MACROD2: variants seen among roughly 807,000 people sequenced by gnomAD.
MACROD2 encodes the protein ADP-ribose glycohydrolase MACROD2.
MACROD2 carries 36 observed loss-of-function variants against 70.4 expected under a neutral mutation model. The ratio of observed to expected loss-of-function variants is 0.51; its 90% CI spans 0.39 to 0.68. MACROD2 has a LOEUF of 0.68. Ranked by LOEUF, MACROD2 falls within the 30% of genes least tolerant of loss-of-function variation. The probability of loss-of-function intolerance (pLI) is 0.00; values close to 1 mark genes in which losing one functional copy is unlikely to be tolerated. For missense variants in MACROD2, 496 were observed against 538.4 expected (o/e 0.92, Z 0.78); for synonymous variants, 172 against 178.8 (o/e 0.96, Z 0.30).
At chr20:15,349,074 G>A (rs1410145364) in intron 6 of MACROD2, among the ~76,000 whole-genome samples, 1 of 152,014 alleles carries the variant, frequency 6.6e-6, no homozygotes, top group Non-Finnish European at 1.5e-5. Context: ...ATTAGGCTCT[G>A]GAGAATTTTA....
Position 15,850,412 on chromosome 20 carries a change from C to A in MACROD2, c.646-12333C>A, listed in dbSNP as rs534167163. Among the ~76,000 whole-genome samples, 386 of 152,322 alleles carry A rather than the reference C, an allele frequency of 2.5e-3. 5 individuals carry two copies. The highest frequency in any genetic ancestry group is 9.0e-3 in the African/African-American group (374 of 41,572). ...TGCCAGCACTATGAAAGCCCTCAGG[C>A]AAAGAAGTGCAGGTGCTTGGCCATT... On this transcript the variant is annotated intron_variant, in intron 8 of 17. Coordinates refer to ENST00000684519, the MANE Select transcript of MACROD2 (RefSeq NM_001351661.2).
At chr20:14,238,490 T>C (rs1000819136) in intron 3 of MACROD2, among the ~76,000 whole-genome samples, 32 of 152,026 alleles carry the variant, frequency 2.1e-4, no homozygotes, top group African/African-American at 7.0e-4. Context: ...CCCTTGAAAA[T>C]TGGAACAAGA....
chr20:15,289,589 C>A (rs1299642859), intron 6 of MACROD2, among the ~76,000 whole-genome samples: 1 of 152,280 alleles, frequency 6.6e-6, no homozygotes, highest in East Asian at 1.9e-4. Flanking sequence ...GGAGATGGAG[C>A]TAAACAGGTC....
At chr20:14,262,101 A>C (rs1036268748) in intron 3 of MACROD2, among the ~76,000 whole-genome samples, 10 of 152,182 alleles carry the variant, frequency 6.6e-5, no homozygotes, top group Non-Finnish European at 1.2e-4. Flanking sequence ...ACATGGAGAG[A>C]TATAAAACAA....
At chr20:14,387,489 GA>G (rs1035815043) in intron 3 of MACROD2, among the ~76,000 whole-genome samples, 1 of 152,104 alleles carries the variant, frequency 6.6e-6, no homozygotes. Context: ...TAAGAAAATA[GA>G]AAAAAGTGTC....
chr20:15,909,036 G>A (rs1436665903), intron 10 of MACROD2, among the ~76,000 whole-genome samples: 3 of 152,210 alleles, frequency 2.0e-5, no homozygotes, highest in African/African-American at 7.2e-5. Context: ...GACAGGGATA[G>A]TTGTCTCTGC....
At chr20:14,884,482 A>G (rs2073647886) in intron 5 of MACROD2, 1 of 152,144 alleles carries the variant, frequency 6.6e-6, no homozygotes, top group Admixed American at 6.5e-5. Flanking sequence ...CCAAGATACC[A>G]CAGCTAGAAA....
intron 3 of MACROD2, among the ~76,000 whole-genome samples, chr20:14,264,468 G>T (rs768466201): frequency 4.6e-5 from 7 of 152,186 alleles, no homozygotes; most frequent in Non-Finnish European, 7.3e-5. Context: ...GTTGAAGTCA[G>T]CAGTGATTAT....
At chr20:14,187,963 A>G (rs2081358090) in intron 3 of MACROD2, among the ~76,000 whole-genome samples, 1 of 152,326 alleles carries the variant, frequency 6.6e-6, no homozygotes, top group African/African-American at 2.4e-5. Flanking sequence ...GTTCAGATTC[A>G]GACTTTGATA....
At chr20:15,175,850 C>G (rs890985854) in intron 5 of MACROD2, among the ~76,000 whole-genome samples, 1 of 152,188 alleles carries the variant, frequency 6.6e-6, no homozygotes, top group Non-Finnish European at 1.5e-5. Context: ...GCGGGAGCCC[C>G]AGCCCCTACC....
At chr20:15,255,435 A>G (rs1048649796) in intron 6 of MACROD2, among the ~76,000 whole-genome samples, 1 of 152,138 alleles carries the variant, frequency 6.6e-6, no homozygotes, top group Non-Finnish European at 1.5e-5. Context: ...TATTAAACCT[A>G]TGGTACAATT....
At chr20:15,518,880 G>A (rs2047605834) in intron 8 of MACROD2, among the ~76,000 whole-genome samples, 1 of 152,144 alleles carries the variant, frequency 6.6e-6, no homozygotes, top group African/African-American at 2.4e-5. Context: ...CCAGTCTGTG[G>A]CTAATTAGGA....
At chr20:14,412,138 C>T (rs955163382) in intron 3 of MACROD2, among the ~76,000 whole-genome samples, 5 of 152,102 alleles carry the variant, frequency 3.3e-5, no homozygotes, top group Non-Finnish European at 5.9e-5. Context: ...TTTCTCTGCC[C>T]GCACTTTCTG....
At chr20:14,288,970 A>T (rs961110046) in intron 3 of MACROD2, among the ~76,000 whole-genome samples, 1 of 152,204 alleles carries the variant, frequency 6.6e-6, no homozygotes, top group Non-Finnish European at 1.5e-5. Flanking sequence ...GAGATGGCTC[A>T]TGGGACATAT....
intron 5 of MACROD2, among the ~76,000 whole-genome samples, chr20:14,913,490 C>T (rs2074054128): frequency 6.6e-6 from 1 of 152,084 alleles, no homozygotes; most frequent in African/African-American, 2.4e-5. Context: ...AGTTCAAGAC[C>T]AGCCTGGGCA....
chr20:15,304,385 A>C lies in MACROD2; in HGVS notation c.540+74324A>C, dbSNP rs1171546872. 3.3e-5 allele frequency among the ~76,000 whole-genome samples: 5 copies of C among 152,188 alleles called. No individual in the cohort carries two copies. In the East Asian group the frequency reaches 7.7e-4, roughly 23 times the overall value. ...TTTTATAAGTTGGTCAACATTTACC[A>C]ATCAGGATGTTTTATATAAGCATCT... On this transcript the variant is annotated intron_variant, in intron 6 of 17. Coordinates refer to ENST00000684519, the MANE Select transcript of MACROD2 (RefSeq NM_001351661.2).
chr20:15,974,164 A>G (rs1200826087), intron 13 of MACROD2, among the ~76,000 whole-genome samples: 1 of 152,204 alleles, frequency 6.6e-6, no homozygotes, highest in Non-Finnish European at 1.5e-5. Context: ...GACATTTCAA[A>G]GACAGATGAC....
At chr20:14,054,112 G>T (rs994288300) in intron 2 of MACROD2, among the ~76,000 whole-genome samples, 1 of 151,030 alleles carries the variant, frequency 6.6e-6, no homozygotes, top group Admixed American at 6.6e-5. Flanking sequence ...AGCACTTATT[G>T]TAATTGGTTG....
At chr20:16,044,091 C>T (rs2067344702) in intron 16 of MACROD2, among the ~76,000 whole-genome samples, 2 of 152,024 alleles carry the variant, frequency 1.3e-5, no homozygotes, top group South Asian at 4.1e-4. Context: ...GCAGGCTTTA[C>T]AGGAAGCAGG....
Sources: gnomAD v4.1 joint callset for allele counts (sites outside exome capture counted in the v4.1 genomes callset) on GRCh38, gnomAD v4.1.1 for gene constraint, MANE v1.5 for transcripts, NCBI Gene and HGNC (gene_info 2026-07-23, HGNC 2026-07-21) for gene names.